Variants in CLCN4 observed in about 807,000 individuals in gnomAD.
The protein encoded by CLCN4 is H(+)/Cl(-) exchange transporter 4.
CLCN4 carries 1 observed loss-of-function variant against 41.7 expected under a neutral mutation model. The ratio of observed to expected loss-of-function variants is 0.02; its 90% CI spans 0.01 to 0.11. The LOEUF (loss-of-function observed/expected upper bound fraction) is 0.11, where lower values mean the gene tolerates loss of function less well. Among genes scored for constraint, CLCN4 ranks in the 10% least tolerant of loss-of-function variants. CLCN4 has a pLI of 1.00. For synonymous variants in CLCN4, 277 were observed against 285.8 expected (o/e 0.97, Z 0.31); for missense variants, 287 against 661.0 (o/e 0.43, Z 6.20).
In CLCN4 at chrX:10,197,284, AGTGCCTCTC is replaced by A. The variant is rs1321109195; in HGVS notation, c.433-654_433-646del. 6.2e-5 allele frequency among the ~76,000 whole-genome samples: 7 copies of A among 112,375 alleles called. No individual in the cohort carries two copies. The East Asian group carries it at 1.7e-3, about 27-fold the overall frequency. ...AGTGATCACGTTTTTCTTCTCTGAT[AGTGCCTCTC>A]AAATGTTAGTGCGCATAGAACCTCC... On this transcript the variant is annotated intron_variant, in intron 5 of 12. Transcript: ENST00000380833.
chrX:10,220,869 G>A lies in CLCN4; in HGVS notation c.2184G>A (p.Thr728=), dbSNP rs34200704. 1,122 of 1,206,098 alleles carry A rather than the reference G, an allele frequency of 9.3e-4. 7 individuals are homozygous for A. The African/African-American group carries it at 0.016, about 17-fold the overall frequency. The change falls in exon 12 of 13, where the codon ACG becomes ACA. Residue 728 remains threonine, a synonymous_variant. Transcript: ENST00000380833. Reference sequence around the variant, plus strand: ...TGGGGCTTCGGCAGTGCCTGGTGACGCGGAGCGGGTGAGTAGCCGGACATG... The same window carrying A: ...TGGGGCTTCGGCAGTGCCTGGTGACACGGAGCGGGTGAGTAGCCGGACATG... ...RKLGLRQCLV[T]RSGRLLGIIT...
chrX:10,219,029 G>A (rs1302734202), intron 11 of CLCN4, among the ~76,000 whole-genome samples: 2 of 112,882 alleles, frequency 1.8e-5, no homozygotes, highest in African/African-American at 6.4e-5. Context: ...GTTAGGCATT[G>A]TCCAGGCACT....
rs1923777215 is a variant in CLCN4, at chrX:10,185,132, G to A, written c.100G>A (p.Asp34Asn). Residue 34 changes from aspartate (D) to asparagine (N), a missense_variant, in exon 3 of 13, where the codon GAC becomes AAC. Transcript: ENST00000380833. ...VGTYEDFHTI[D>N]WLREKSRDTD... ...GACGTATGAGGACTTCCACACCATC[G>A]ACTGGCTAAGGGAAAAGTCACGGGA... The A allele has an allele frequency of 8.3e-7, 1 of 1,207,417 alleles. No homozygotes were observed. Among genetic ancestry groups the A allele is most frequent in the African/African-American group, 1.8e-5 (1 of 56,987 alleles).
At chrX:10,184,249 G>A (rs1923754866) in intron 2 of CLCN4, among the ~76,000 whole-genome samples, 1 of 112,151 alleles carries the variant, frequency 8.9e-6, no homozygotes, top group African/African-American at 3.2e-5. Flanking sequence ...TTCCAGGAAT[G>A]TATATAATTA....
rs1298206166 is a variant in CLCN4 at position 10,213,943 on chromosome X, C to G, written c.1839C>G (p.Thr613=). ...GAGAGCCGCCACTGTCGGTGCTCACCCAGGACAGCATGACTGTCGAGGACG... is the reference window on the plus strand; with the variant it reads ...GAGAGCCGCCACTGTCGGTGCTCACGCAGGACAGCATGACTGTCGAGGACG... ...RRGEPPLSVL[T]QDSMTVEDVE... The change falls in exon 11 of 13, where the codon ACC becomes ACG. Residue 613 remains threonine, a synonymous_variant. Transcript: ENST00000380833. The G allele has an allele frequency of 6.6e-6, 8 of 1,210,860 alleles. No individual in the cohort carries two copies. Among genetic ancestry groups the G allele is most frequent in the Non-Finnish European group, 7.8e-6 (7 of 895,371 alleles).
intron 8 of CLCN4, among the ~76,000 whole-genome samples, chrX:10,207,236 C>T (rs1204289339): frequency 1.8e-5 from 2 of 112,471 alleles, no homozygotes; most frequent in Non-Finnish European, 3.8e-5. Context: ...CGATAAATTC[C>T]TGTTTTCAAG....
chrX:10,215,025 C>T (rs926330518), intron 11 of CLCN4, among the ~76,000 whole-genome samples: 21 of 112,008 alleles, frequency 1.9e-4, no homozygotes, highest in African/African-American at 6.2e-4. Context: ...TCCACGGGCA[C>T]GCTCACCATC....
At chrX:10,192,400 T>A (rs962419730) in intron 4 of CLCN4, among the ~76,000 whole-genome samples, 1 of 111,344 alleles carries the variant, frequency 9.0e-6, no homozygotes, top group Non-Finnish European at 1.9e-5. Flanking sequence ...CAGGAAAGAC[T>A]TCCCAGAGGA....
Position 10,235,473 on chromosome X carries a change from C to T in CLCN4, c.*1889C>T, listed in dbSNP as rs1380400017. 2.7e-5 allele frequency: 3 copies of T among 111,598 alleles called. No individual in the cohort carries two copies. The highest frequency in any genetic ancestry group is 5.6e-5 in the Non-Finnish European group (3 of 53,105). The allele number at this position is 111,598 out of a possible 1,213,427, so 9.2% of individuals were successfully genotyped here. On this transcript the variant is annotated 3_prime_UTR_variant, in exon 13 of 13. Transcript: ENST00000380833. Reference sequence around the variant, plus strand: ...AGGGGAAGTTTGCTGTATTGGATGCCATCATCGTGTCCTTGTCATTGCCCT... The same window carrying T: ...AGGGGAAGTTTGCTGTATTGGATGCTATCATCGTGTCCTTGTCATTGCCCT...
intron 2 of CLCN4, among the ~76,000 whole-genome samples, chrX:10,183,872 C>T (rs1425890606): frequency 8.9e-6 from 1 of 112,522 alleles, no homozygotes; most frequent in Non-Finnish European, 1.9e-5. Flanking sequence ...TAAAAATGAG[C>T]ATCTGTCCTG....
intron 2 of CLCN4, among the ~76,000 whole-genome samples, chrX:10,170,428 A>T: frequency 8.9e-6 from 1 of 112,356 alleles, no homozygotes; most frequent in Non-Finnish European, 1.9e-5. Flanking sequence ...GATTGATGTT[A>T]AAAATATTAA....
At chrX:10,189,229 A>G (rs988779315) in intron 4 of CLCN4, among the ~76,000 whole-genome samples, 2 of 112,227 alleles carry the variant, frequency 1.8e-5, no homozygotes, top group African/African-American at 6.5e-5. Context: ...GGGTAAATGA[A>G]GAAACTCAGA....
In CLCN4 at chrX:10,195,084, G is replaced by T; in HGVS notation, c.418G>T (p.Val140Leu). Residue 140 changes from valine to leucine, a missense_variant, in exon 5 of 13, where the codon GTG (valine) becomes TTG (leucine). Val to Leu is a conservative substitution (Grantham distance 32, BLOSUM62 1). Around this residue, in one of 6 missense-constraint regions of CLCN4, gnomAD observed 90 missense variants for 209.8 expected, o/e 0.43. Transcript: ENST00000380833. ...PLWQKWSELLVNQSEGASAYI... is the reference protein window; with the variant it reads ...PLWQKWSELLLNQSEGASAYI... ...GTGGCAGAAATGGTCGGAGCTGCTG[G>T]TGAATCAGTCAGAGGTGGGTATTTG... The T allele has an allele frequency of 8.3e-7, 1 of 1,211,635 alleles. No homozygotes were observed. The highest frequency in any genetic ancestry group is 1.7e-5 in the African/African-American group (1 of 57,794).
At position 10,234,607 on chromosome X, in the gene CLCN4, C is replaced by T. The variant is rs971680110; in HGVS notation, c.*1023C>T. On this transcript the variant is annotated 3_prime_UTR_variant, in exon 13 of 13. Transcript: ENST00000380833. ...GGCTGTGGAGAGGATGAGGCATATG[C>T]GTTGTCAGTTGGAATCCCTCCAAAT... The T allele has an allele frequency of 2.7e-5, 3 of 112,362 alleles. No homozygotes were observed. The highest frequency in any genetic ancestry group is 9.4e-5 in the Admixed American group (1 of 10,618). The allele number at this position is 112,362 out of a possible 1,213,427, so 9.3% of individuals were successfully genotyped here. A position where few individuals can be genotyped will look rare whatever the true frequency, so the allele number is the denominator to read the frequency against.
chrX:10,212,324 G>C (rs1924577921), intron 9 of CLCN4, 143 bp from the exon 10 acceptor site: 4 of 512,226 alleles, frequency 7.8e-6, no homozygotes, highest in South Asian at 3.3e-5. Flanking sequence ...CCTTTCCCCA[G>C]CTGACCTATT....
chrX:10,177,867 C>T (rs1224989437), intron 2 of CLCN4, among the ~76,000 whole-genome samples: 1 of 111,701 alleles, frequency 9.0e-6, no homozygotes, highest in Non-Finnish European at 1.9e-5. Context: ...AAAGTAGAAA[C>T]AACCCAAATG....
chrX:10,171,015 G>C (rs1440012737), intron 2 of CLCN4, among the ~76,000 whole-genome samples: 1 of 111,939 alleles, frequency 8.9e-6, no homozygotes, highest in Non-Finnish European at 1.9e-5. Flanking sequence ...CTCCAGAGTA[G>C]CTGCTGGGAT....
rs1835053342 is a variant in CLCN4, at chrX:10,237,566, A to G, written c.*3982A>G. Reference sequence around the variant, plus strand: ...CGTGTTGGTTTTTTTTTATTGTAACACTCTGTGTAAACGTTGACACCTTAT... The same window carrying G: ...CGTGTTGGTTTTTTTTTATTGTAACGCTCTGTGTAAACGTTGACACCTTAT... On this transcript the variant is annotated 3_prime_UTR_variant, in exon 13 of 13. Transcript: ENST00000380833. The G allele has an allele frequency of 9.0e-6, 1 of 111,262 alleles. No homozygotes were observed. Among genetic ancestry groups the G allele is most frequent in the Non-Finnish European group, 1.9e-5 (1 of 53,075 alleles). 9.2% of individuals were successfully genotyped at this position (111,262 alleles called of 1,213,427 possible). A position where few individuals can be genotyped will look rare whatever the true frequency, so the allele number is the denominator to read the frequency against.
chrX:10,209,266 C>CTCCT (rs1924475423), intron 9 of CLCN4, among the ~76,000 whole-genome samples: 1 of 69,094 alleles, frequency 1.4e-5, no homozygotes, highest in East Asian at 1.2e-3. Context: ...CTTTCTTTTC[C>CTCCT]TCCTCCCTCC....
Sources: gnomAD v4.1 joint callset for allele counts (sites outside exome capture counted in the v4.1 genomes callset) on GRCh38, gnomAD v4.1.1 for gene constraint, gnomAD v4.1.1 regional missense constraint, MANE v1.5 for transcripts, NCBI Gene and HGNC (gene_info 2026-07-23, HGNC 2026-07-21) for gene names.